The following LMNA variants were observed in gnomAD, a reference collection of about 807,000 sequenced individuals.
LMNA encodes lamin A/C.
Under a neutral mutation model 70.4 loss-of-function variants are expected in LMNA, and 20 were observed. That is an observed-to-expected ratio of 0.28 (90% CI 0.20 to 0.41). The LOEUF is 0.41. Among genes scored for constraint, LMNA ranks in the 10% least tolerant of loss-of-function variants. The pLI, the probability that LMNA is intolerant of heterozygous loss-of-function variation, is 1.00. For missense variants in LMNA, 652 were observed against 917.2 expected (o/e 0.71, Z 3.73); for synonymous variants, 339 against 372.8 (o/e 0.91, Z 1.04).
rs901829233 is a variant in LMNA, at chr1:156,136,745, G to A, written c.1381-176G>A. 62 of 707,172 alleles carry A rather than the reference G, an allele frequency of 8.8e-5. No homozygotes were observed. The East Asian group carries it at 1.1e-3, about 13-fold the overall frequency. 43.8% of individuals were successfully genotyped at this position (707,172 alleles called of 1,614,324 possible). A position where few individuals can be genotyped will look rare whatever the true frequency, so the allele number is the denominator to read the frequency against. ...AAGGTATCCGTGTGCCTGGTGCTGC[G>A]TATGTGTCCACAGATCATGGCTATT... On this transcript the variant is annotated intron_variant, in intron 7 of 11. Transcript: ENST00000368300. This position sits in a 1 kb window ranked among gnomAD's most constrained non-coding sequence, Gnocchi z 6.1.
At chr1:156,092,890 CTTTTTTTTTTT>C (rs568056544) in intron 3 of LMNA, among the ~76,000 whole-genome samples, 3 of 135,654 alleles carry the variant, frequency 2.2e-5, no homozygotes, top group African/African-American at 8.1e-5. Flanking sequence ...TTCTTTTTTT[CTTTTTTTTTTT>C]TTTTTGAGAC....
intron 2 of LMNA, among the ~76,000 whole-genome samples, chr1:156,084,304 C>T (rs1249960505): frequency 9.5e-6 from 1 of 105,820 alleles, no homozygotes; most frequent in East Asian, 2.2e-4. Context: ...AGTGCTGGAA[C>T]CTGAGCTGAG....
intron 1 of LMNA, among the ~76,000 whole-genome samples, chr1:156,120,372 G>A (rs1301329462): frequency 2.0e-5 from 3 of 152,250 alleles, no homozygotes; most frequent in Non-Finnish European, 4.4e-5. Flanking sequence ...GAGGTAAGGT[G>A]AAGTCAGGTA....
In LMNA at chr1:156,139,305, A is replaced by C. The variant is rs1332627172; in HGVS notation, c.*199A>C. ...TTATACTGAAGGAAAAACACAAGCA[A>C]AAAAAAAAAAAAGCATCTATCTCAT... On this transcript the variant is annotated 3_prime_UTR_variant, in exon 12 of 12. Coordinates refer to ENST00000368300, the MANE Select transcript of LMNA (RefSeq NM_170707.4). 1.0e-5 allele frequency: 6 copies of C among 572,654 alleles called. No homozygotes were observed. Among genetic ancestry groups the C allele is most frequent in the South Asian group, 4.9e-5 (1 of 20,450 alleles). 35.5% of individuals were successfully genotyped at this position (572,654 alleles called of 1,614,324 possible).
chr1:156,135,016 G>A lies in LMNA; in HGVS notation c.810+41G>A. On this transcript the variant is annotated intron_variant, in intron 4 of 11. Coordinates refer to ENST00000368300, the MANE Select transcript of LMNA (RefSeq NM_170707.4). The surrounding 1 kb of genome is among the most constrained non-coding windows in gnomAD (Gnocchi z 4.8). ...TGGTTCCCTCACTGCCTCTGCCCTT[G>A]GCAGCCCTACCCTTACCCACGCTGG... The A allele has an allele frequency of 6.2e-7, 1 of 1,613,632 alleles. No homozygotes were observed. Among genetic ancestry groups the A allele is most frequent in the African/African-American group, 1.3e-5 (1 of 75,052 alleles).
Position 156,138,047 on chromosome 1 carries a change from G to C in LMNA, c.1698+304G>C, listed in dbSNP as rs533668264. ...CTGGGAAAGGGAGGGGAGGACAGAC[G>C]TGGGGCATGCCCGCCCTGCCTCTCT... On this transcript the variant is annotated intron_variant, in intron 10 of 11. Transcript: ENST00000368300. This position sits in a 1 kb window ranked among gnomAD's most constrained non-coding sequence, Gnocchi z 5.5. 21 of 569,490 alleles carry C rather than the reference G, an allele frequency of 3.7e-5. No individual in the cohort carries two copies. The South Asian group carries it at 4.3e-4, about 12-fold the overall frequency. 35.3% of individuals were successfully genotyped at this position (569,490 alleles called of 1,614,324 possible).
chr1:156,124,827 A>G (rs1201724844), intron 1 of LMNA, among the ~76,000 whole-genome samples: 1 of 152,108 alleles, frequency 6.6e-6, no homozygotes, highest in Admixed American at 6.6e-5. Context: ...TGGCACTTTC[A>G]CTAGGCCTCC....
Position 156,135,895 on chromosome 1 carries a change from C to T in LMNA, c.937-6C>T, listed in dbSNP as rs759083379. Reference sequence around the variant, plus strand: ...GAGCTCACCAAACCCTCCCACCCCCCTTCAGCTGGCAGCCAAGGAGGCGAA... The same window carrying T: ...GAGCTCACCAAACCCTCCCACCCCCTTTCAGCTGGCAGCCAAGGAGGCGAA... On this transcript the variant is annotated splice_polypyrimidine_tract_variant and splice_region_variant and intron_variant, in intron 5 of 11. Transcript: ENST00000368300. The surrounding 1 kb of genome is among the most constrained non-coding windows in gnomAD (Gnocchi z 4.8). 3.7e-6 allele frequency: 6 copies of T among 1,613,246 alleles called. No individual in the cohort carries two copies. In the Admixed American group the frequency reaches 5.0e-5, roughly 13 times the overall value.
chr1:156,105,334 A>G (rs1405404524), intron 3 of LMNA, among the ~76,000 whole-genome samples: 2 of 152,106 alleles, frequency 1.3e-5, no homozygotes, highest in African/African-American at 2.4e-5. Context: ...CTTCTAGGCA[A>G]TGAATGATGA....
At chr1:156,101,800 G>A (rs1194006090) in intron 3 of LMNA, among the ~76,000 whole-genome samples, 1 of 152,198 alleles carries the variant, frequency 6.6e-6, no homozygotes, top group Non-Finnish European at 1.5e-5. Flanking sequence ...CAGAGAGCTG[G>A]AGGTAGAACA....
intron 2 of LMNA, among the ~76,000 whole-genome samples, chr1:156,086,393 ACTCTCTCTCT>A (rs55740793): frequency 8.2e-5 from 12 of 146,406 alleles, no homozygotes; most frequent in East Asian, 6.1e-4. Context: ...GTGACCTCTG[ACTCTCTCTCT>A]CTCTCTCTCT....
chr1:156,084,047 T>TG (rs1321043951), intron 2 of LMNA, among the ~76,000 whole-genome samples: 1 of 152,196 alleles, frequency 6.6e-6, no homozygotes. Flanking sequence ...AGGTCAGACT[T>TG]GAAGAAGAAC....
chr1:156,101,436 G>A (rs930024916), intron 3 of LMNA, among the ~76,000 whole-genome samples: 1 of 152,150 alleles, frequency 6.6e-6, no homozygotes, highest in Admixed American at 6.5e-5. Flanking sequence ...GGATTGCAGT[G>A]AGCTATGATT....
rs778029920 is a variant in LMNA at position 156,129,863 on chromosome 1, C to G, written c.357-754C>G. On this transcript the variant is annotated intron_variant, in intron 1 of 11. Coordinates refer to ENST00000368300, the MANE Select transcript of LMNA (RefSeq NM_170707.4). ...GCTGGGGCCCAGATGGACCTGGAGG[C>G]CTGGGATCCACATCTGGAACCAGAT... 3.4e-5 allele frequency: 26 copies of G among 771,344 alleles called. No individual in the cohort carries two copies. The Admixed American group carries it at 3.6e-4, about 11-fold the overall frequency. 47.8% of individuals were successfully genotyped at this position (771,344 alleles called of 1,614,324 possible). A position where few individuals can be genotyped will look rare whatever the true frequency, so the allele number is the denominator to read the frequency against.
upstream of LMNA, chr1:156,114,709 T>C (rs886045356): frequency 1.3e-5 from 7 of 540,824 alleles, no homozygotes; most frequent in Non-Finnish European, 2.3e-5. Context: ...CGTCGGTGAC[T>C]CAGTGTTCGC....
rs1362254096 is a variant in LMNA at position 156,138,927 on chromosome 1, G to C, written c.1969-153G>C. Among the ~76,000 whole-genome samples the C allele has an allele frequency of 1.3e-5, 2 of 152,156 alleles. No individual in the cohort carries two copies. Among genetic ancestry groups the C allele is most frequent in the Non-Finnish European group, 2.9e-5 (2 of 68,028 alleles). On this transcript the variant is annotated intron_variant, in intron 11 of 11. Coordinates refer to ENST00000368300, the MANE Select transcript of LMNA (RefSeq NM_170707.4). The surrounding 1 kb of genome is among the most constrained non-coding windows in gnomAD (Gnocchi z 5.5). ...CCTAGACAGCCCACCTCTGCATCCTGCCCCTCTTGTCTGAGCCCCAGACTG... is the reference window on the plus strand; with the variant it reads ...CCTAGACAGCCCACCTCTGCATCCTCCCCCTCTTGTCTGAGCCCCAGACTG...
At chr1:156,110,444 G>A (rs767284893), upstream of LMNA, among the ~76,000 whole-genome samples, 2 of 152,200 alleles carry the variant, frequency 1.3e-5, no homozygotes, top group Non-Finnish European at 2.9e-5. Flanking sequence ...ACCTTATTTA[G>A]TTATTGCACA....
rs267607607 is a variant in LMNA, at chr1:156,137,002, A to G, written c.1462A>G (p.Thr488Ala). Residue 488 changes from threonine to alanine, a missense_variant, in exon 8 of 12, where the codon ACC (threonine) becomes GCC (alanine). Thr to Ala is a moderately conservative substitution (Grantham distance 58). Coordinates refer to ENST00000368300, the MANE Select transcript of LMNA (RefSeq NM_170707.4). The surrounding 1 kb of genome is among the most constrained non-coding windows in gnomAD (Gnocchi z 4.6). ...LLTYRFPPKF[T>A]LKAGQVVTIW... Reference sequence around the variant, plus strand: ...GACTTACCGGTTCCCACCAAAGTTCACCCTGAAGGCTGGGCAGGTGGTGAC... The same window carrying G: ...GACTTACCGGTTCCCACCAAAGTTCGCCCTGAAGGCTGGGCAGGTGGTGAC... The G allele has an allele frequency of 6.2e-7, 1 of 1,614,144 alleles. No homozygotes were observed. The highest frequency in any genetic ancestry group is 8.5e-7 in the Non-Finnish European group (1 of 1,180,012).
Position 156,084,338 on chromosome 1 carries a change from T to C in LMNA, c.-319+1154T>C, listed in dbSNP as rs11313903. On this transcript the variant is annotated intron_variant, in intron 2 of 12. Coordinates refer to the LMNA transcript ENST00000368301. ...AGGATCTCAGAAGGTCGGGGGGTGG[T>C]GGGGGCAGTTGGCACACTGCAGGGA... 5.4e-3 allele frequency among the ~76,000 whole-genome samples: 379 copies of C among 69,558 alleles called. 60 individuals are homozygous for C. The highest frequency in any genetic ancestry group is 0.03 in the African/African-American group (348 of 11,734). 45.6% of individuals were successfully genotyped at this position (69,558 alleles called of 152,430 possible).
Sources: allele counts gnomAD v4.1 joint callset (sites outside exome capture counted in the v4.1 genomes callset), GRCh38; gene constraint gnomAD v4.1.1; non-coding constraint Gnocchi (gnomAD v3.1); transcripts MANE v1.5; gene names NCBI Gene and HGNC (gene_info 2026-07-23, HGNC 2026-07-21).